The following STPG2 variants were observed in gnomAD, a reference collection of about 807,000 sequenced individuals.
STPG2 encodes the protein sperm-tail PG-rich repeat-containing protein 2.
STPG2 carries 56 observed loss-of-function variants against 54.2 expected under a neutral mutation model. That is an observed-to-expected ratio of 1.03 (90% CI 0.83 to 1.29). The LOEUF (loss-of-function observed/expected upper bound fraction) is 1.29, where lower values mean the gene tolerates loss of function less well. Ranked by LOEUF, STPG2 falls within the 50% of genes most tolerant of loss-of-function variation. STPG2 has a pLI of 0.00. For synonymous variants in STPG2, 200 were observed against 181.8 expected (o/e 1.10, Z -0.81); for missense variants, 596 against 544.9 (o/e 1.09, Z -0.93).
chr4:97,601,556 A>G (rs1733462389), intron 10 of STPG2, among the ~76,000 whole-genome samples: 1 of 151,818 alleles, frequency 6.6e-6, no homozygotes, highest in African/African-American at 2.4e-5. Flanking sequence ...CTGATCTGTA[A>G]GTGGGACTTA....
At chr4:97,464,777 A>G (rs1729749554) in intron 4 of STPG2, among the ~76,000 whole-genome samples, 1 of 152,166 alleles carries the variant, frequency 6.6e-6, no homozygotes, top group South Asian at 2.1e-4. Flanking sequence ...ATTATTCTTT[A>G]ACAGAATATT....
intron 7 of STPG2, among the ~76,000 whole-genome samples, chr4:97,967,421 A>G (rs1331330882): frequency 6.6e-6 from 1 of 152,146 alleles, no homozygotes; most frequent in East Asian, 1.9e-4. Context: ...AGACTTGAAC[A>G]CCCCACTGTC....
intron 10 of STPG2, among the ~76,000 whole-genome samples, chr4:97,570,543 G>A (rs959173537): frequency 6.6e-6 from 1 of 151,566 alleles, no homozygotes; most frequent in Non-Finnish European, 1.5e-5. Flanking sequence ...AGGTATTCTA[G>A]ATTTGCAAAA....
At chr4:97,885,842 T>A (rs1431441500) in intron 8 of STPG2, among the ~76,000 whole-genome samples, 2 of 151,024 alleles carry the variant, frequency 1.3e-5, no homozygotes, top group Non-Finnish European at 3.0e-5. Context: ...TTAGCAAAAC[T>A]CACAAACAAC....
At chr4:98,041,199 G>A (rs1037956817) in intron 5 of STPG2, among the ~76,000 whole-genome samples, 3 of 151,784 alleles carry the variant, frequency 2.0e-5, no homozygotes, top group Non-Finnish European at 4.4e-5. Flanking sequence ...AAACTTTACT[G>A]AATTCATTTA....
chr4:97,736,933 C>A (rs542457637), intron 9 of STPG2, among the ~76,000 whole-genome samples: 1 of 152,184 alleles, frequency 6.6e-6, no homozygotes, highest in Non-Finnish European at 1.5e-5. Flanking sequence ...CCCCTGACCC[C>A]CCAGCAGCCT....
At chr4:97,563,822 G>A (rs994185806) in intron 10 of STPG2, among the ~76,000 whole-genome samples, 5 of 152,046 alleles carry the variant, frequency 3.3e-5, no homozygotes, top group Non-Finnish European at 7.4e-5. Flanking sequence ...TATAATTTCT[G>A]ATCTTTTACA....
chr4:97,987,916 T>C (rs1439778857), intron 5 of STPG2, among the ~76,000 whole-genome samples: 2 of 152,004 alleles, frequency 1.3e-5, no homozygotes, highest in African/African-American at 4.8e-5. Flanking sequence ...TAGCAGCCAG[T>C]GAAGCAGCTG....
At chr4:97,926,156 G>A (rs1732324246) in intron 8 of STPG2, among the ~76,000 whole-genome samples, 1 of 152,062 alleles carries the variant, frequency 6.6e-6, no homozygotes, top group Admixed American at 6.5e-5. Context: ...ATGAGACAAG[G>A]AGGGTGTTAC....
intron 9 of STPG2, among the ~76,000 whole-genome samples, chr4:97,759,655 A>G (rs957406249): frequency 1.3e-5 from 2 of 152,160 alleles, no homozygotes; most frequent in African/African-American, 2.4e-5. Context: ...ATATTTGGGG[A>G]ATTCATATAA....
chr4:97,733,189 A>C (rs1404819405), intron 9 of STPG2, among the ~76,000 whole-genome samples: 1 of 152,188 alleles, frequency 6.6e-6, no homozygotes. Flanking sequence ...AACCAATGTT[A>C]AATGCGCATC....
chr4:97,718,681 C>T (rs767487581), intron 9 of STPG2, among the ~76,000 whole-genome samples: 5 of 151,824 alleles, frequency 3.3e-5, no homozygotes, highest in African/African-American at 1.2e-4. Context: ...ATTTCAGTAA[C>T]CTTTGTCCTC....
chr4:98,008,073 A>T (rs1158423132), intron 5 of STPG2, among the ~76,000 whole-genome samples: 1 of 152,176 alleles, frequency 6.6e-6, no homozygotes, highest in Admixed American at 6.5e-5. Context: ...CAAGATATGT[A>T]AACATCCAGA....
At chr4:97,750,259 G>A (rs1475273212) in intron 9 of STPG2, among the ~76,000 whole-genome samples, 1 of 151,652 alleles carries the variant, frequency 6.6e-6, no homozygotes, top group Admixed American at 6.6e-5. Context: ...TAGCTGACAT[G>A]GTTATCAAAA....
At chr4:97,711,001 T>C (rs1054343383) in intron 10 of STPG2, among the ~76,000 whole-genome samples, 4 of 151,532 alleles carry the variant, frequency 2.6e-5, no homozygotes, top group Admixed American at 2.6e-4. Context: ...AATAAACATC[T>C]ATCATAAAGT....
rs375692593 is a variant in STPG2 at position 98,076,231 on chromosome 4, G to A, written c.612+29722C>T. Among the ~76,000 whole-genome samples, 904 of 146,338 alleles carry A rather than the reference G, an allele frequency of 6.2e-3. 8 individuals carry two copies. The highest frequency in any genetic ancestry group is 0.021 in the Middle Eastern group (6 of 284). ...TGCACTCCAGCCTGGGCAACAGAGCGAGACTCTGTCTCAAAAAAAAAAAAA... is the reference window on the plus strand; with the variant it reads ...TGCACTCCAGCCTGGGCAACAGAGCAAGACTCTGTCTCAAAAAAAAAAAAA... On this transcript the variant is annotated intron_variant, in intron 5 of 10. Coordinates refer to ENST00000295268, the MANE Select transcript of STPG2 (RefSeq NM_174952.3).
chr4:97,455,694 C>T (rs948702567), intron 4 of STPG2, among the ~76,000 whole-genome samples: 3 of 152,162 alleles, frequency 2.0e-5, no homozygotes, highest in African/African-American at 7.2e-5. Flanking sequence ...AGGCAAGAAG[C>T]CCAGGATACA....
chr4:97,536,256 C>G (rs189313422), intron 4 of STPG2, among the ~76,000 whole-genome samples: 2 of 152,302 alleles, frequency 1.3e-5, no homozygotes, highest in East Asian at 3.9e-4. Context: ...TGGTTTGGCT[C>G]TGGGTCCCTA....
intron 10 of STPG2, among the ~76,000 whole-genome samples, chr4:97,590,394 A>C (rs559515142): frequency 2.0e-5 from 3 of 152,202 alleles, no homozygotes; most frequent in South Asian, 2.1e-4. Context: ...CCTTGGATCC[A>C]GGGCTTATAT....
Sources: gnomAD v4.1 joint callset for allele counts (sites outside exome capture counted in the v4.1 genomes callset) on GRCh38, gnomAD v4.1.1 for gene constraint, MANE v1.5 for transcripts, NCBI Gene and HGNC (gene_info 2026-07-23, HGNC 2026-07-21) for gene names.